Variants in GRIK2 observed in about 807,000 individuals in gnomAD.
GRIK2 encodes glutamate receptor ionotropic, kainate 2.
GRIK2 carries 32 observed loss-of-function variants against 100.3 expected under a neutral mutation model. The observed-to-expected ratio is 0.32, with a 90% CI of 0.24 to 0.43. GRIK2 has a LOEUF of 0.43. Among genes scored for constraint, GRIK2 ranks in the 20% least tolerant of loss-of-function variants. The pLI is 1.00. For synonymous variants in GRIK2, 417 were observed against 389.4 expected, an observed-to-expected ratio of 1.07 and a Z score of -0.83; for missense variants, 843 against 1,114.9, an observed-to-expected ratio of 0.76 and a Z score of 3.47.
intron 14 of GRIK2, among the ~76,000 whole-genome samples, chr6:102,020,067 G>T (rs575869878): frequency 4.2e-4 from 64 of 152,020 alleles, no homozygotes; most frequent in African/African-American, 1.5e-3. Flanking sequence ...AGACTATATT[G>T]TGTAGAAATA....
rs565933799 is a variant in GRIK2, at chr6:101,638,751, A to G, written c.541+12114A>G. ...GTAGATGTTTCATTACTGTTTTAGT[A>G]ACAATAATGTCATTTCTTTTAAAAT... On this transcript the variant is annotated intron_variant, in intron 4 of 16. Coordinates refer to ENST00000369134, the MANE Select transcript of GRIK2 (RefSeq NM_021956.5). Among the ~76,000 whole-genome samples, 32 of 152,250 alleles carry G rather than the reference A, an allele frequency of 2.1e-4. No individual in the cohort carries two copies. In the East Asian group the frequency reaches 5.8e-3, roughly 28 times the overall value.
In GRIK2 at chr6:101,793,107, G is replaced by T. The variant is rs546097013; in HGVS notation, c.952-6541G>T. On this transcript the variant is annotated intron_variant, in intron 7 of 16. Transcript: ENST00000369134. ...TATTGTTTATTCTATTTATACATTC[G>T]TCTAAATTTTTTTCAAAGTTTTCAA... Among the ~76,000 whole-genome samples, 12 of 152,026 alleles carry T rather than the reference G, an allele frequency of 7.9e-5. No homozygotes were observed. In the East Asian group the frequency reaches 1.4e-3, roughly 17 times the overall value.
intron 4 of GRIK2, among the ~76,000 whole-genome samples, chr6:101,633,186 C>G (rs532925905): frequency 2.0e-5 from 3 of 152,064 alleles, no homozygotes; most frequent in Non-Finnish European, 2.9e-5. Flanking sequence ...ATGGTTATAG[C>G]AATATCAGTG....
chr6:102,016,522 A>C (rs1795842931), intron 14 of GRIK2, among the ~76,000 whole-genome samples: 1 of 151,456 alleles, frequency 6.6e-6, no homozygotes, highest in African/African-American at 2.4e-5. Context: ...TAAAACTTAA[A>C]GTATAATAAT....
chr6:101,425,918 A>C (rs1776676678), intron 2 of GRIK2, among the ~76,000 whole-genome samples: 1 of 152,158 alleles, frequency 6.6e-6, no homozygotes, highest in African/African-American at 2.4e-5. Context: ...ACTAGCACTG[A>C]GGCCATCTAT....
At chr6:101,690,038 CA>C (rs1418475180) in intron 7 of GRIK2, among the ~76,000 whole-genome samples, 1 of 152,080 alleles carries the variant, frequency 6.6e-6, no homozygotes, top group Non-Finnish European at 1.5e-5. Flanking sequence ...CAGAGCCCGA[CA>C]ATGGTGATAC....
chr6:101,462,557 T>G (rs1290384332), intron 2 of GRIK2, among the ~76,000 whole-genome samples: 1 of 152,242 alleles, frequency 6.6e-6, no homozygotes, highest in African/African-American at 2.4e-5. Context: ...AAATTATAGG[T>G]ACAAGGACAT....
chr6:101,431,958 C>T (rs1311202244), intron 2 of GRIK2, among the ~76,000 whole-genome samples: 1 of 152,100 alleles, frequency 6.6e-6, no homozygotes, highest in African/African-American at 2.4e-5. Flanking sequence ...CATTATGCCT[C>T]ATTAGAAAGC....
intron 12 of GRIK2, among the ~76,000 whole-genome samples, chr6:101,909,233 G>GA (rs1308374021): frequency 6.7e-6 from 1 of 150,330 alleles, no homozygotes; most frequent in Non-Finnish European, 1.5e-5. Context: ...CACCAAATAA[G>GA]AAAAAAATAT....
At chr6:101,961,399 G>A (rs1792289239) in intron 14 of GRIK2, among the ~76,000 whole-genome samples, 1 of 152,066 alleles carries the variant, frequency 6.6e-6, no homozygotes, top group African/African-American at 2.4e-5. Context: ...AGGAGTGGGA[G>A]TGCAACTCCT....
chr6:102,011,563 TTTTC>T (rs1795533968), intron 14 of GRIK2, among the ~76,000 whole-genome samples: 1 of 146,276 alleles, frequency 6.8e-6, no homozygotes, highest in Non-Finnish European at 1.5e-5. Context: ...TTTCTTTTTT[TTTTC>T]TTTCTTTTCC....
At chr6:101,876,820 T>C (rs1785884197) in intron 11 of GRIK2, among the ~76,000 whole-genome samples, 1 of 151,940 alleles carries the variant, frequency 6.6e-6, no homozygotes, top group Non-Finnish European at 1.5e-5. Context: ...TTTTGATTTA[T>C]AATGAATCTT....
At chr6:101,894,769 A>G (rs1387182028) in intron 12 of GRIK2, among the ~76,000 whole-genome samples, 1 of 151,514 alleles carries the variant, frequency 6.6e-6, no homozygotes, top group African/African-American at 2.4e-5. Flanking sequence ...TAAAATTCCC[A>G]TATATGTTAG....
chr6:101,467,111 A>C (rs1761669842), intron 2 of GRIK2, among the ~76,000 whole-genome samples: 1 of 152,172 alleles, frequency 6.6e-6, no homozygotes. Flanking sequence ...CCAGCAACAG[A>C]AGTATGTTTT....
chr6:101,618,910 G>A (rs1000579095), intron 2 of GRIK2, among the ~76,000 whole-genome samples: 63 of 149,934 alleles, frequency 4.2e-4, no homozygotes, highest in African/African-American at 1.5e-3. Context: ...GTTCATTCGT[G>A]ATTTTTATCT....
At chr6:101,625,917 A>G (rs1286923023) in intron 3 of GRIK2, among the ~76,000 whole-genome samples, 1 of 152,170 alleles carries the variant, frequency 6.6e-6, no homozygotes, top group African/African-American at 2.4e-5. Flanking sequence ...ATCATCAGAT[A>G]GGTGGAAATG....
At chr6:101,873,100 T>A (rs375663314) in intron 11 of GRIK2, among the ~76,000 whole-genome samples, 1 of 151,958 alleles carries the variant, frequency 6.6e-6, no homozygotes. Flanking sequence ...GGACATTAAT[T>A]TTTTTTAAAT....
intron 2 of GRIK2, chr6:101,431,523 G>A (rs1304059740): frequency 6.6e-6 from 1 of 152,198 alleles, no homozygotes; most frequent in African/African-American, 2.4e-5. Context: ...AGTGCTGTGA[G>A]GCTCTTCTTT....
intron 14 of GRIK2, among the ~76,000 whole-genome samples, chr6:102,000,781 T>A (rs1794897881): frequency 6.6e-6 from 1 of 152,118 alleles, no homozygotes; most frequent in Non-Finnish European, 1.5e-5. Flanking sequence ...TCTCTTTTGT[T>A]TCTGATCAAT....
Sources: allele counts gnomAD v4.1 joint callset (sites outside exome capture counted in the v4.1 genomes callset), GRCh38; gene constraint gnomAD v4.1.1; transcripts MANE v1.5; gene names NCBI Gene and HGNC (gene_info 2026-07-23, HGNC 2026-07-21).